Variants in PKHD1 observed in about 807,000 individuals in gnomAD.
The protein encoded by PKHD1 is PKHD1 ciliary IPT domain containing fibrocystin/polyductin.
PKHD1 carries 291 observed loss-of-function variants against 412.0 expected under a neutral mutation model. That is an observed-to-expected ratio of 0.71 (90% CI 0.64 to 0.78). PKHD1 has a LOEUF of 0.78. Among genes scored for constraint, PKHD1 ranks in the 30% least tolerant of loss-of-function variants. The probability of loss-of-function intolerance (pLI) is 0.00; values close to 1 mark genes in which losing one functional copy is unlikely to be tolerated. For missense variants in PKHD1, 4,825 were observed against 4,950.7 expected (o/e 0.97, Z 0.76); for synonymous variants, 1,777 against 1,821.5 (o/e 0.98, Z 0.62).
At chr6:51,627,195 T>C in intron 65 of PKHD1, 79 bp from the exon 66 acceptor site, 1 of 1,314,958 alleles carries the variant, frequency 7.6e-7, no homozygotes, top group South Asian at 1.2e-5. Flanking sequence ...TTCCCTTGTA[T>C]GTACCCTTGT....
At chr6:51,882,607 G>T (rs1294005175) in intron 46 of PKHD1, among the ~76,000 whole-genome samples, 1 of 152,138 alleles carries the variant, frequency 6.6e-6, no homozygotes, top group East Asian at 1.9e-4. Context: ...AAGCCTAAGA[G>T]ACCAATGGCA....
intron 36 of PKHD1, among the ~76,000 whole-genome samples, chr6:51,935,627 T>C (rs560190449): frequency 6.6e-6 from 1 of 152,180 alleles, no homozygotes; most frequent in Non-Finnish European, 1.5e-5. Flanking sequence ...GTCCTTACAT[T>C]GGGCTACAAA....
intron 60 of PKHD1, among the ~76,000 whole-genome samples, chr6:51,739,221 T>TTA (rs1183484649): frequency 6.6e-6 from 1 of 150,382 alleles, no homozygotes; most frequent in Non-Finnish European, 1.5e-5. Context: ...TGTACATGTA[T>TTA]TATATATATA....
In PKHD1 at chr6:52,050,161, C is replaced by T. The variant is rs550730673; in HGVS notation, c.2275G>A (p.Ala759Thr). The change falls in exon 22 of 67, where the codon GCA becomes ACA. Residue 759 changes from alanine (A) to threonine (T), a missense_variant. By Grantham distance (58) the Ala-to-Thr change is moderately conservative. Transcript: ENST00000371117. ...TGTAAAAAAGCCACTCCTTACCGTG[C>T]AGTGATGAGCGGGAGCTCCGTGCCA... is the stretch of plus-strand genomic sequence containing the variant. ...GCGTELPLIT[A>T]RSVPTEGTEE... 73 of 1,613,956 alleles carry T rather than the reference C, an allele frequency of 4.5e-5. No individual in the cohort carries two copies. The South Asian group carries it at 5.7e-4, about 13-fold the overall frequency.
chr6:51,892,754 C>T (rs1478753658), intron 43 of PKHD1, among the ~76,000 whole-genome samples: 1 of 152,148 alleles, frequency 6.6e-6, no homozygotes, highest in Non-Finnish European at 1.5e-5. Context: ...TTAGATGAGG[C>T]ATCAGGCATT....
At chr6:51,997,919 G>A (rs1044138621) in intron 35 of PKHD1, among the ~76,000 whole-genome samples, 1 of 152,208 alleles carries the variant, frequency 6.6e-6, no homozygotes. Context: ...CATCAAGAAT[G>A]TAAATCCAGT....
intron 52 of PKHD1, among the ~76,000 whole-genome samples, chr6:51,802,871 AC>A (rs770459557): frequency 4.0e-5 from 6 of 150,990 alleles, no homozygotes; most frequent in Non-Finnish European, 8.8e-5. Flanking sequence ...GGTATTATTG[AC>A]TTTTTTTCTT....
At chr6:51,773,351 G>A (rs1409230779) in intron 54 of PKHD1, among the ~76,000 whole-genome samples, 1 of 151,848 alleles carries the variant, frequency 6.6e-6, no homozygotes, top group Admixed American at 6.6e-5. Flanking sequence ...GGAGAAATGT[G>A]CTTGATACAG....
intron 5 of PKHD1, among the ~76,000 whole-genome samples, chr6:52,077,385 A>C (rs890453584): frequency 5.9e-5 from 9 of 152,194 alleles, no homozygotes; most frequent in Admixed American, 4.6e-4. Context: ...TTACCTAGGA[A>C]GAGACCTAGT....
At chr6:52,023,293 G>A (rs1801677764) in intron 32 of PKHD1, among the ~76,000 whole-genome samples, 1 of 152,094 alleles carries the variant, frequency 6.6e-6, no homozygotes, top group African/African-American at 2.4e-5. Context: ...CTCCCCGGAG[G>A]TACCCAGGTA....
chr6:51,748,701 T>C, intron 57 of PKHD1, 36 bp from the exon 58 acceptor site: 1 of 1,600,966 alleles, frequency 6.2e-7, no homozygotes, highest in Non-Finnish European at 8.6e-7. Flanking sequence ...TACTTTCCTC[T>C]TCCCCACAAA....
intron 47 of PKHD1, among the ~76,000 whole-genome samples, chr6:51,869,821 T>C (rs1775690249): frequency 1.3e-5 from 2 of 152,176 alleles, no homozygotes; most frequent in Non-Finnish European, 2.9e-5. Flanking sequence ...TGATTATTCA[T>C]TTAATTAAAA....
rs550551542 is a variant in PKHD1 at position 51,868,288 on chromosome 6, G to C, written c.7487-179C>G. On this transcript the variant is annotated intron_variant, in intron 47 of 66. Coordinates refer to ENST00000371117, the MANE Select transcript of PKHD1 (RefSeq NM_138694.4). ...ACAGTGAGTGTTTACTGTCTACCAA[G>C]CTCTGGTGTGCTAGAGATACTAAGA... Among the ~76,000 whole-genome samples, 55 of 152,230 alleles carry C rather than the reference G, an allele frequency of 3.6e-4. 1 individual carries two copies. Among genetic ancestry groups the C allele is most frequent in the African/African-American group, 1.2e-3 (51 of 41,548 alleles).
At chr6:51,721,365 ATAT>A (rs565226593) in intron 60 of PKHD1, 102 of 456,568 alleles carry the variant, frequency 2.2e-4, no homozygotes, top group African/African-American at 1.6e-3. Flanking sequence ...TAATATACCT[ATAT>A]TATTATATTA....
Position 51,885,989 on chromosome 6 carries a change from A to T in PKHD1, c.7110-17T>A, listed in dbSNP as rs1778149452. On this transcript the variant is annotated splice_polypyrimidine_tract_variant and intron_variant, in intron 44 of 66. Coordinates refer to ENST00000371117, the MANE Select transcript of PKHD1 (RefSeq NM_138694.4). Reference sequence around the variant, plus strand: ...AGACCATACCTAAAAAGTGAAACAGAATGAAATTAAGCCAATTTTTATGTT... The same window carrying T: ...AGACCATACCTAAAAAGTGAAACAGTATGAAATTAAGCCAATTTTTATGTT... The T allele has an allele frequency of 7.0e-7, 1 of 1,434,272 alleles. No individual in the cohort carries two copies. The highest frequency in any genetic ancestry group is 1.4e-5 in the African/African-American group (1 of 71,372). The allele number at this position is 1,434,272 out of a possible 1,614,324, so 88.8% of individuals were successfully genotyped here. A position where few individuals can be genotyped will look rare whatever the true frequency, so the allele number is the denominator to read the frequency against.
chr6:51,732,001 T>C (rs1408618998), intron 60 of PKHD1, among the ~76,000 whole-genome samples: 1 of 152,160 alleles, frequency 6.6e-6, no homozygotes, highest in Non-Finnish European at 1.5e-5. Context: ...AAACACTTTA[T>C]AAATTGACAT....
At chr6:51,840,901 C>T (rs1337040762) in intron 50 of PKHD1, among the ~76,000 whole-genome samples, 1 of 152,032 alleles carries the variant, frequency 6.6e-6, no homozygotes, top group East Asian at 1.9e-4. Context: ...ATTTTAGTAT[C>T]TATACATTGT....
At chr6:51,721,519 T>C in intron 60 of PKHD1, 1 of 968,752 alleles carries the variant, frequency 1.0e-6, no homozygotes, top group Non-Finnish European at 1.2e-6. Flanking sequence ...TATATCTAGC[T>C]GCAATTTATC....
At chr6:51,701,667 G>C (rs1779411918) in intron 60 of PKHD1, among the ~76,000 whole-genome samples, 2 of 152,004 alleles carry the variant, frequency 1.3e-5, no homozygotes, top group East Asian at 1.9e-4. Context: ...AGAAGGATTA[G>C]AAATAGATAT....
Sources: gnomAD v4.1 joint callset for allele counts (sites outside exome capture counted in the v4.1 genomes callset) on GRCh38, gnomAD v4.1.1 for gene constraint, MANE v1.5 for transcripts, NCBI Gene and HGNC (gene_info 2026-07-23, HGNC 2026-07-21) for gene names.